ACOX3: variants seen among roughly 807,000 people sequenced by gnomAD.
The protein encoded by ACOX3 is peroxisomal acyl-coenzyme A oxidase 3.
Under a neutral mutation model 81.5 loss-of-function variants are expected in ACOX3, and 73 were observed. The ratio of observed to expected loss-of-function variants is 0.90; its 90% CI spans 0.74 to 1.09. The LOEUF (loss-of-function observed/expected upper bound fraction) is 1.09, where lower values mean the gene tolerates loss of function less well. Among genes scored for constraint, ACOX3 ranks in the 50% least tolerant of loss-of-function variants. The probability of loss-of-function intolerance (pLI) is 0.00; values close to 1 mark genes in which losing one functional copy is unlikely to be tolerated. For synonymous variants in ACOX3, 387 were observed against 375.1 expected, an observed-to-expected ratio of 1.03 and a Z score of -0.37; for missense variants, 947 against 928.0, an observed-to-expected ratio of 1.02 and a Z score of -0.27.
In ACOX3 at chr4:8,381,875, C is replaced by T. The variant is rs1717696938; in HGVS notation, c.1538-268G>A. Among the ~76,000 whole-genome samples, 1 of 152,250 alleles carries T rather than the reference C, an allele frequency of 6.6e-6. No individual in the cohort carries two copies. The highest frequency in any genetic ancestry group is 2.4e-5 in the African/African-American group (1 of 41,460). ...CTACACTGTTCCAGCAGCCTGGAGG[C>T]CACAGGAACACGGTGCCGCCGCTAG... On this transcript the variant is annotated intron_variant, in intron 13 of 17. Coordinates refer to ENST00000356406, the MANE Select transcript of ACOX3 (RefSeq NM_003501.3). The surrounding 1 kb of genome is among the most constrained non-coding windows in gnomAD (Gnocchi z 4.3).
In ACOX3 at chr4:8,389,321, C is replaced by T. The variant is rs770674680; in HGVS notation, c.1424-35G>A. 15 of 1,586,808 alleles carry T rather than the reference C, an allele frequency of 9.5e-6. No individual in the cohort carries two copies. The highest frequency in any genetic ancestry group is 2.7e-5 in the African/African-American group (2 of 74,600). On this transcript the variant is annotated intron_variant, in intron 12 of 17. Coordinates refer to ENST00000356406, the MANE Select transcript of ACOX3 (RefSeq NM_003501.3). The surrounding 1 kb of genome is among the most constrained non-coding windows in gnomAD (Gnocchi z 5.3). ...ACATTCCAGTGACTTTGGTGGAAGA[C>T]AGGAACCCAAACCATTGGGAACCCC...
At chr4:8,387,334 G>A (rs1718433826) in intron 13 of ACOX3, among the ~76,000 whole-genome samples, 1 of 152,182 alleles carries the variant, frequency 6.6e-6, no homozygotes, top group South Asian at 2.1e-4. Flanking sequence ...CAGGAGGAGG[G>A]ACCGGGATCA....
chr4:8,361,425 C>CAAAAAAAAAAAAAAAAAAAAA (rs56251372), downstream of ACOX3, among the ~76,000 whole-genome samples: 1 of 39,034 alleles, frequency 2.6e-5, no homozygotes, highest in Non-Finnish European at 4.2e-5. Context: ...GACTCTATCT[C>CAAAAAAAAAAAAAAAAAAAAA]AAAAAAAAAA....
chr4:8,428,086 T>G (rs1051335726), intron 1 of ACOX3, among the ~76,000 whole-genome samples: 3 of 152,244 alleles, frequency 2.0e-5, no homozygotes, highest in Admixed American at 2.0e-4. Flanking sequence ...TTCTCTGCGA[T>G]GTGAATCACT....
the ACOX3 span, among the ~76,000 whole-genome samples, chr4:8,361,187 G>A: frequency 2.6e-5 from 4 of 151,990 alleles, no homozygotes; most frequent in African/African-American, 9.7e-5. Flanking sequence ...AGTTTGGGAG[G>A]CCGAGGTGGG....
In ACOX3 at chr4:8,429,251, C is replaced by T. The variant is rs542350963; in HGVS notation, c.-15+11397G>A. The stretch of plus-strand genomic sequence containing the variant: ...ATTAAGAGTGCATTTATTTAGCCAG[C>T]GGCCAAGAGACAGCTAACGCTTAAA... On this transcript the variant is annotated intron_variant, in intron 1 of 17. Coordinates refer to ENST00000356406, the MANE Select transcript of ACOX3 (RefSeq NM_003501.3). Among the ~76,000 whole-genome samples the T allele has an allele frequency of 1.1e-4, 17 of 152,300 alleles. No individual in the cohort carries two copies. The East Asian group carries it at 2.1e-3, about 19-fold the overall frequency.
chr4:8,421,236 C>A (rs1560203429), intron 1 of ACOX3, among the ~76,000 whole-genome samples: 1 of 152,214 alleles, frequency 6.6e-6, no homozygotes, highest in Non-Finnish European at 1.5e-5. Flanking sequence ...TACTGGGCAC[C>A]TGTTGGCTGG....
intron 3 of ACOX3, among the ~76,000 whole-genome samples, chr4:8,415,353 T>A (rs1025874150): frequency 6.6e-6 from 1 of 152,072 alleles, no homozygotes; most frequent in African/African-American, 2.4e-5. Flanking sequence ...TCAGCTCTGC[T>A]GGTATGTTAC....
At chr4:8,422,248 A>G (rs1470371078) in intron 1 of ACOX3, among the ~76,000 whole-genome samples, 2 of 152,180 alleles carry the variant, frequency 1.3e-5, no homozygotes, top group African/African-American at 2.4e-5. Context: ...GAGAGAAAGA[A>G]AGAGAGAGAT....
rs1717724980 is a variant in ACOX3, at chr4:8,382,044, G to A, written c.1538-437C>T. The stretch of plus-strand genomic sequence containing the variant: ...CGGCGGTGGCGCCCAGTGGCGAGAG[G>A]AAGGGGTGCTTCCGTTCGCCTCCCC... On this transcript the variant is annotated intron_variant, in intron 13 of 17. Transcript: ENST00000356406. The surrounding 1 kb of genome is among the most constrained non-coding windows in gnomAD (Gnocchi z 4.1). 1.3e-5 allele frequency among the ~76,000 whole-genome samples: 2 copies of A among 152,216 alleles called. No homozygotes were observed. The highest frequency in any genetic ancestry group is 4.8e-5 in the African/African-American group (2 of 41,462).
intron 1 of ACOX3, among the ~76,000 whole-genome samples, chr4:8,422,636 G>A (rs1390178789): frequency 6.6e-6 from 1 of 152,202 alleles, no homozygotes; most frequent in Non-Finnish European, 1.5e-5. Flanking sequence ...GATCTATTGT[G>A]TTGTTGTAGG....
In ACOX3 at chr4:8,394,650, T is replaced by A; in HGVS notation, c.1149A>T (p.Gly383=). The change falls in exon 10 of 18, where the codon GGA becomes GGT. Residue 383 remains glycine, a synonymous_variant. Transcript: ENST00000356406. The surrounding 1 kb of genome is among the most constrained non-coding windows in gnomAD (Gnocchi z 5.9). Reference sequence around the variant, plus strand: ...TGGCGCTGCGGTCTCCCGATGCAAGTCCTCGCTGGAGCTCCACCAGGTCCA... The same window carrying A: ...TGGCGCTGCGGTCTCCCGATGCAAGACCTCGCTGGAGCTCCACCAGGTCCA... ...LFLDLVELQR[G]LASGDRSARQ... 6.2e-7 allele frequency: 1 copy of A among 1,613,830 alleles called. No individual in the cohort carries two copies. Among genetic ancestry groups the A allele is most frequent in the Non-Finnish European group, 8.5e-7 (1 of 1,180,002 alleles).
chr4:8,374,682 G>A (rs1244689461), intron 15 of ACOX3: 2 of 311,314 alleles, frequency 6.4e-6, no homozygotes, highest in African/African-American at 4.3e-5. Context: ...TAGTGGGTGG[G>A]CTTCTGCTCT....
chr4:8,397,243 C>T lies in ACOX3; in HGVS notation c.874-124G>A, dbSNP rs886142051. ...GTAGACCTGTGCCCACCTGCCCAGG[C>T]CCCATCCCCAGGGCGCCCAAGACAC... On this transcript the variant is annotated intron_variant, in intron 8 of 17. Coordinates refer to ENST00000356406, the MANE Select transcript of ACOX3 (RefSeq NM_003501.3). 6 of 958,606 alleles carry T rather than the reference C, an allele frequency of 6.3e-6. No individual in the cohort carries two copies. The African/African-American group carries it at 1.0e-4, about 16-fold the overall frequency. The allele number at this position is 958,606 out of a possible 1,614,324, so 59.4% of individuals were successfully genotyped here.
chr4:8,399,531 C>A lies in ACOX3; in HGVS notation c.873+25G>T. Reference sequence around the variant, plus strand: ...AGGAAGGCACCTGGGAAGCACGGCACACGAACGGCCCCCCATGCCTGTACC... The same window carrying A: ...AGGAAGGCACCTGGGAAGCACGGCAAACGAACGGCCCCCCATGCCTGTACC... On this transcript the variant is annotated intron_variant, in intron 8 of 17. Transcript: ENST00000356406. The surrounding 1 kb of genome is among the most constrained non-coding windows in gnomAD (Gnocchi z 4.9). 1 of 1,588,114 alleles carries A rather than the reference C, an allele frequency of 6.3e-7. No individual in the cohort carries two copies. Among genetic ancestry groups the A allele is most frequent in the East Asian group, 2.2e-5 (1 of 44,682 alleles).
chr4:8,367,363 A>C, intron 17 of ACOX3, among the ~76,000 whole-genome samples: 1 of 152,032 alleles, frequency 6.6e-6, no homozygotes, highest in African/African-American at 2.4e-5. Context: ...CATGCCTGTA[A>C]TCCCAGCTAC....
chr4:8,392,585 A>G, intron 10 of ACOX3, 132 bp from the exon 11 acceptor site: 1 of 1,042,004 alleles, frequency 9.6e-7, no homozygotes, highest in Non-Finnish European at 1.3e-6. Flanking sequence ...ATGACAGAAG[A>G]GGAAACCTAA....
In ACOX3 at chr4:8,416,213, A is replaced by G. The variant is rs1440971891; in HGVS notation, c.144+165T>C. Among the ~76,000 whole-genome samples the G allele has an allele frequency of 1.3e-5, 2 of 152,152 alleles. No individual in the cohort carries two copies. Among genetic ancestry groups the G allele is most frequent in the Non-Finnish European group, 1.5e-5 (1 of 68,018 alleles). On this transcript the variant is annotated intron_variant, in intron 2 of 17. Transcript: ENST00000356406. The surrounding 1 kb of genome is among the most constrained non-coding windows in gnomAD (Gnocchi z 4.2). ...GTGTTCATTTCCAGACTCCTCATCA[A>G]TTCCCTGAGGCCTGTCCTGGGGTGC...
Position 8,389,262 on chromosome 4 carries a change from A to G in ACOX3, c.1448T>C (p.Leu483Pro). The G allele has an allele frequency of 6.2e-7, 1 of 1,613,508 alleles. No individual in the cohort carries two copies. Among genetic ancestry groups the G allele is most frequent in the Non-Finnish European group, 8.5e-7 (1 of 1,179,808 alleles). The stretch of plus-strand genomic sequence containing the variant: ...GGCGTCCAGAAAGTCCACTGACTTC[A>G]GCGGACTGCGGAAGCAAGCTCCATC... ...VHDGACFRSP[L>P]KSVDFLDAYP... The change falls in exon 13 of 18, where the codon CTG becomes CCG. Residue 483 changes from leucine (L) to proline (P), a missense_variant. Leu to Pro is a moderately conservative substitution (Grantham distance 98). Transcript: ENST00000356406. This position sits in a 1 kb window ranked among gnomAD's most constrained non-coding sequence, Gnocchi z 5.3.
Sources: allele counts gnomAD v4.1 joint callset (sites outside exome capture counted in the v4.1 genomes callset), GRCh38; gene constraint gnomAD v4.1.1; non-coding constraint Gnocchi (gnomAD v3.1); transcripts MANE v1.5; gene names NCBI Gene and HGNC (gene_info 2026-07-23, HGNC 2026-07-21).